The following RPE variants were observed in gnomAD, a reference collection of about 807,000 sequenced individuals.
RPE encodes ribulose-5-phosphate-3-epimerase.
In RPE, 16 loss-of-function variants were observed where a neutral mutation model predicts 24.6. The observed-to-expected ratio is 0.65, with a 90% CI of 0.44 to 0.99. The LOEUF is 0.99. Among genes scored for constraint, RPE ranks in the 50% least tolerant of loss-of-function variants. The pLI, the probability that RPE is intolerant of heterozygous loss-of-function variation, is 0.00. For missense variants in RPE, 240 were observed against 294.5 expected (o/e 0.81, Z 1.35); for synonymous variants, 93 against 98.4 (o/e 0.94, Z 0.33).
intron 2 of RPE, among the ~76,000 whole-genome samples, chr2:210,013,887 G>T (rs570449022): frequency 1.3e-5 from 2 of 152,038 alleles, no homozygotes; most frequent in Non-Finnish European, 2.9e-5. Flanking sequence ...ATGAATAATA[G>T]ATTATGATTA....
Position 210,021,726 on chromosome 2 carries a change from T to C in RPE, c.*1935T>C, listed in dbSNP as rs1433313353. On this transcript the variant is annotated 3_prime_UTR_variant, in exon 6 of 6. Transcript: ENST00000359429. Reference sequence around the variant, plus strand: ...GGTAGTACAACTTGAGTAACCTTTTTTACATGACAAAAAGTGAGTTATATA... The same window carrying C: ...GGTAGTACAACTTGAGTAACCTTTTCTACATGACAAAAAGTGAGTTATATA... 2 of 152,290 alleles carry C rather than the reference T, an allele frequency of 1.3e-5. No individual in the cohort carries two copies. The highest frequency in any genetic ancestry group is 2.9e-5 in the Non-Finnish European group (2 of 67,954). The allele number at this position is 152,290 out of a possible 1,614,324, so 9.4% of individuals were successfully genotyped here.
At chr2:210,007,500 C>T (rs527699870) in intron 1 of RPE, among the ~76,000 whole-genome samples, 1 of 152,352 alleles carries the variant, frequency 6.6e-6, no homozygotes, top group South Asian at 2.1e-4. Context: ...AGTCCAGACA[C>T]TGAGCTTGGC....
chr2:210,019,645 A>C (rs1277241902), intron 5 of RPE, 24 bp from the exon 6 acceptor site: 2 of 1,608,372 alleles, frequency 1.2e-6, no homozygotes, highest in African/African-American at 2.7e-5. Flanking sequence ...TTTGAGGCAT[A>C]ACCTAACTGT....
chr2:210,018,126 T>C, intron 5 of RPE: 1 of 1,514,726 alleles, frequency 6.6e-7, no homozygotes, highest in Non-Finnish European at 8.8e-7. Flanking sequence ...AAAGTTCTTT[T>C]TTATAAAAGA....
At chr2:210,002,813 C>T in intron 1 of RPE, 30 bp downstream of exon 1, 1 of 1,614,058 alleles carries the variant, frequency 6.2e-7, no homozygotes, top group Non-Finnish European at 8.5e-7. Flanking sequence ...GTCGGGCTTG[C>T]CGCGCGGCGG....
At chr2:210,017,336 A>G in intron 4 of RPE, 137 bp from the exon 5 acceptor site, 1 of 671,038 alleles carries the variant, frequency 1.5e-6, no homozygotes, top group South Asian at 1.9e-5. Context: ...TTGTATTGGT[A>G]TAGTTATTGT....
intron 1 of RPE, among the ~76,000 whole-genome samples, chr2:210,008,212 A>C (rs929198657): frequency 2.0e-5 from 3 of 152,004 alleles, no homozygotes; most frequent in Admixed American, 6.5e-5. Context: ...TAGGAACTGT[A>C]GCGTATTTCC....
At chr2:210,005,004 T>C (rs1253834444) in intron 1 of RPE, among the ~76,000 whole-genome samples, 1 of 152,224 alleles carries the variant, frequency 6.6e-6, no homozygotes, top group African/African-American at 2.4e-5. Context: ...TTTAATCTTC[T>C]CTACTTTCTG....
intron 1 of RPE, chr2:210,003,603 T>C (rs565324676): frequency 4.2e-5 from 18 of 424,626 alleles, no homozygotes; most frequent in South Asian, 1.1e-4. Flanking sequence ...TTACAGAAGA[T>C]TGTGACAGAC....
intron 1 of RPE, among the ~76,000 whole-genome samples, chr2:210,004,579 G>A (rs1046270794): frequency 6.6e-6 from 1 of 152,178 alleles, no homozygotes. Flanking sequence ...CCTCAAAAAA[G>A]CAACTAATAA....
chr2:210,017,060 T>C (rs976823476), intron 4 of RPE, among the ~76,000 whole-genome samples: 1 of 152,136 alleles, frequency 6.6e-6, no homozygotes, highest in African/African-American at 2.4e-5. Flanking sequence ...CCCAGGCTGG[T>C]CTTGAACTCC....
intron 1 of RPE, 68 bp downstream of exon 1, chr2:210,002,851 C>T (rs2093579495): frequency 6.2e-7 from 1 of 1,612,172 alleles, no homozygotes; most frequent in African/African-American, 1.3e-5. Flanking sequence ...TTATTGACTG[C>T]TTGTTGGATG....
Position 210,016,640 on chromosome 2 carries a change from A to G in RPE, c.476A>G (p.Lys159Arg). 2 of 1,614,196 alleles carry G rather than the reference A, an allele frequency of 1.2e-6. No homozygotes were observed. The highest frequency in any genetic ancestry group is 1.7e-6 in the Non-Finnish European group (2 of 1,180,036). The change falls in exon 4 of 6, where the codon AAG (lysine) becomes AGG (arginine). Residue 159 changes from lysine to arginine, a missense_variant and splice_region_variant. Lys to Arg is a conservative substitution (Grantham distance 26). Transcript: ENST00000359429. ...GQKFMEDMMP[K>R]VHWLRTQFPS... is the part of the protein sequence containing the mutation. ...AAATTCATGGAAGATATGATGCCAA[A>G]GGTAAAAGAAGTATTTGATTTTGGG...
chr2:210,012,096 C>T lies in RPE; in HGVS notation c.202+2360C>T, dbSNP rs114639385. ...ATTACATGTTGTGTTGTATATGTAA[C>T]GCTAACATTCTTAACTGTTCAGTTT... is the stretch of plus-strand genomic sequence containing the variant. On this transcript the variant is annotated intron_variant, in intron 2 of 5. Transcript: ENST00000359429. Among the ~76,000 whole-genome samples, 1,362 of 152,152 alleles carry T rather than the reference C, an allele frequency of 9.0e-3. 21 individuals are homozygous for T. The highest frequency in any genetic ancestry group is 0.028 in the African/African-American group (1,165 of 41,498).
chr2:210,018,925 ACTAT>A (rs911388982), intron 5 of RPE, among the ~76,000 whole-genome samples: 7 of 152,276 alleles, frequency 4.6e-5, no homozygotes, highest in Admixed American at 2.6e-4. Flanking sequence ...ATGAAGTGAC[ACTAT>A]CTGTCTGGAA....
chr2:210,016,052 T>C lies in RPE; in HGVS notation c.282T>C (p.His94=). The C allele has an allele frequency of 1.9e-6, 3 of 1,614,202 alleles. No homozygotes were observed. The highest frequency in any genetic ancestry group is 3.3e-5 in the Admixed American group (2 of 60,020). The change falls in exon 3 of 6, where the codon CAT becomes CAC. Residue 94 remains histidine, a synonymous_variant. Coordinates refer to ENST00000359429, the MANE Select transcript of RPE (RefSeq NM_199229.3). The stretch of plus-strand genomic sequence containing the variant: ...CAGGAGCCAATCAGTACACCTTTCA[T>C]CTCGAGGCTACTGAGAACCCAGGGG... ...AVAGANQYTF[H]LEATENPGAL...
At chr2:210,004,363 A>G (rs2093602469) in intron 1 of RPE, among the ~76,000 whole-genome samples, 1 of 152,232 alleles carries the variant, frequency 6.6e-6, no homozygotes, top group African/African-American at 2.4e-5. Context: ...ATTAACTCAA[A>G]CAACCGTTTG....
intron 5 of RPE, chr2:210,018,293 T>C: frequency 1.4e-6 from 2 of 1,477,342 alleles, no homozygotes; most frequent in African/African-American, 1.4e-5. Context: ...AACCTACATA[T>C]TATTTAGTTG....
chr2:210,018,185 G>T (rs200139291), intron 5 of RPE: 60 of 1,534,530 alleles, frequency 3.9e-5, no homozygotes, highest in Non-Finnish European at 5.2e-5. Flanking sequence ...TCACGGCCTT[G>T]GAAGTGAGAA....
Sources: allele counts gnomAD v4.1 joint callset (sites outside exome capture counted in the v4.1 genomes callset), GRCh38; gene constraint gnomAD v4.1.1; transcripts MANE v1.5; gene names NCBI Gene and HGNC (gene_info 2026-07-23, HGNC 2026-07-21).